PDE4B: variants seen among roughly 807,000 people sequenced by gnomAD.
PDE4B encodes phosphodiesterase 4B.
Under a neutral mutation model 82.2 loss-of-function variants are expected in PDE4B, and 20 were observed. The observed-to-expected ratio is 0.24, with a 90% CI of 0.17 to 0.35. PDE4B has a LOEUF of 0.35. PDE4B is among the 10% of genes least tolerant of loss of function. The probability of loss-of-function intolerance (pLI) is 1.00; values close to 1 mark genes in which losing one functional copy is unlikely to be tolerated. For missense variants in PDE4B, 655 were observed against 907.2 expected, an observed-to-expected ratio of 0.72 and a Z score of 3.57; for synonymous variants, 320 against 318.9, an observed-to-expected ratio of 1.00 and a Z score of -0.04.
At chr1:65,945,595 C>T (rs572641944) in intron 3 of PDE4B, among the ~76,000 whole-genome samples, 6 of 152,108 alleles carry the variant, frequency 3.9e-5, no homozygotes, top group African/African-American at 1.4e-4. Context: ...GGAGGTCCAA[C>T]ATTCATCAAC....
chr1:66,293,987 C>T (rs1036426410), intron 7 of PDE4B, among the ~76,000 whole-genome samples: 3 of 152,184 alleles, frequency 2.0e-5, no homozygotes, highest in African/African-American at 7.2e-5. Flanking sequence ...GGGCAAGTCC[C>T]CTGAAATCAG....
At chr1:66,274,204 A>T (rs1178761089) in intron 7 of PDE4B, among the ~76,000 whole-genome samples, 4 of 151,142 alleles carry the variant, frequency 2.6e-5, no homozygotes, top group Non-Finnish European at 5.9e-5. Flanking sequence ...CTTGTTGCCC[A>T]GGCTAGAGAG....
In PDE4B at chr1:66,328,751, A is replaced by G. The variant is rs566633761; in HGVS notation, c.635-3757A>G. Among the ~76,000 whole-genome samples, 9 of 152,174 alleles carry G rather than the reference A, an allele frequency of 5.9e-5. No individual in the cohort carries two copies. The South Asian group carries it at 1.7e-3, about 28-fold the overall frequency. ...TGACCATTGCTGCCCTCCATCCCCA[A>G]TCAGGGTATAGGCACAGGGAGGGTC... On this transcript the variant is annotated intron_variant, in intron 7 of 16. Transcript: ENST00000341517.
chr1:66,053,080 T>TG (rs1273262923), intron 3 of PDE4B, among the ~76,000 whole-genome samples: 3 of 152,232 alleles, frequency 2.0e-5, no homozygotes, highest in Non-Finnish European at 4.4e-5. Context: ...CTACAGTATA[T>TG]GGCCTGAATA....
intron 3 of PDE4B, among the ~76,000 whole-genome samples, chr1:66,146,070 C>T (rs549135540): frequency 6.6e-6 from 1 of 151,046 alleles, no homozygotes; most frequent in South Asian, 2.1e-4. Context: ...TTAACATCTG[C>T]TGTTAGATAT....
chr1:66,228,640 A>AC (rs1313734596), intron 3 of PDE4B, among the ~76,000 whole-genome samples: 1 of 151,694 alleles, frequency 6.6e-6, no homozygotes, highest in Non-Finnish European at 1.5e-5. Flanking sequence ...AAAAAAAAAA[A>AC]AAACATGCTA....
Position 66,165,331 on chromosome 1 carries a change from G to A in PDE4B, c.282-82129G>A, listed in dbSNP as rs373979389. ...AATTTGATAAGAGATGCAAATTGCA[G>A]TTCATTATTTTTTCTAAGACTATTA... On this transcript the variant is annotated intron_variant, in intron 3 of 16. Coordinates refer to ENST00000341517, the MANE Select transcript of PDE4B (RefSeq NM_002600.4). Among the ~76,000 whole-genome samples, 68 of 152,198 alleles carry A rather than the reference G, an allele frequency of 4.5e-4. No homozygotes were observed. The Middle Eastern group carries it at 0.01, about 23-fold the overall frequency.
At chr1:66,026,472 G>A (rs963369313) in intron 3 of PDE4B, among the ~76,000 whole-genome samples, 5 of 152,206 alleles carry the variant, frequency 3.3e-5, no homozygotes, top group African/African-American at 1.2e-4. Flanking sequence ...TTGGGTATAT[G>A]TCCCTGTTCT....
chr1:66,080,711 G>T (rs1213464504), intron 3 of PDE4B, among the ~76,000 whole-genome samples: 3 of 152,050 alleles, frequency 2.0e-5, no homozygotes, highest in Admixed American at 6.6e-5. Context: ...GAGTGTTGGA[G>T]ATTTTTATTT....
chr1:66,311,780 T>TATTCC (rs1658688760), intron 7 of PDE4B, among the ~76,000 whole-genome samples: 1 of 152,216 alleles, frequency 6.6e-6, no homozygotes, highest in Non-Finnish European at 1.5e-5. Flanking sequence ...CAGCAAAGTG[T>TATTCC]ATTCCCCATG....
chr1:66,043,511 C>T (rs1460989641), intron 3 of PDE4B, among the ~76,000 whole-genome samples: 1 of 151,748 alleles, frequency 6.6e-6, no homozygotes, highest in Non-Finnish European at 1.5e-5. Context: ...TTAAGGGGAA[C>T]ATAGAAACCA....
chr1:66,124,151 G>A (rs77173677), intron 3 of PDE4B, among the ~76,000 whole-genome samples: 1,769 of 152,300 alleles, frequency 0.012, 34 homozygotes, highest in African/African-American at 0.041. Flanking sequence ...ATGTGCTTAA[G>A]AACATCAGTT....
intron 1 of PDE4B, among the ~76,000 whole-genome samples, chr1:65,838,041 C>T (rs1187677881): frequency 6.6e-6 from 1 of 152,156 alleles, no homozygotes; most frequent in Non-Finnish European, 1.5e-5. Flanking sequence ...TATAAAACAT[C>T]ATTGCAAAAA....
intron 3 of PDE4B, among the ~76,000 whole-genome samples, chr1:66,038,073 A>G (rs1463015057): frequency 6.6e-6 from 1 of 152,106 alleles, no homozygotes; most frequent in Non-Finnish European, 1.5e-5. Context: ...ATAGGAGGGC[A>G]TTAAGGTGGT....
intron 3 of PDE4B, among the ~76,000 whole-genome samples, chr1:65,940,154 C>G (rs927827810): frequency 3.3e-5 from 5 of 152,006 alleles, no homozygotes; most frequent in Non-Finnish European, 5.9e-5. Flanking sequence ...GATTGATACA[C>G]AAATAATAAA....
chr1:66,220,623 C>T (rs1033067073), intron 3 of PDE4B, among the ~76,000 whole-genome samples: 37 of 152,238 alleles, frequency 2.4e-4, no homozygotes, highest in Non-Finnish European at 4.3e-4. Flanking sequence ...ATCTTTTTAT[C>T]TGTGATTTAT....
At chr1:65,924,949 T>C (rs957518604) in intron 3 of PDE4B, among the ~76,000 whole-genome samples, 3 of 152,202 alleles carry the variant, frequency 2.0e-5, no homozygotes, top group Admixed American at 1.3e-4. Context: ...CCCATCACTT[T>C]TATATATTCT....
chr1:66,232,297 A>G (rs1652013817), intron 3 of PDE4B, among the ~76,000 whole-genome samples: 1 of 152,256 alleles, frequency 6.6e-6, no homozygotes, highest in Non-Finnish European at 1.5e-5. Context: ...AATACACTGC[A>G]AAGCTCTGTC....
At chr1:65,911,297 T>C (rs1212833130) in intron 1 of PDE4B, among the ~76,000 whole-genome samples, 1 of 152,208 alleles carries the variant, frequency 6.6e-6, no homozygotes, top group Non-Finnish European at 1.5e-5. Flanking sequence ...CATCATATTG[T>C]TCTACATTTT....
Sources: allele counts gnomAD v4.1 joint callset (sites outside exome capture counted in the v4.1 genomes callset), GRCh38; gene constraint gnomAD v4.1.1; transcripts MANE v1.5; gene names NCBI Gene and HGNC (gene_info 2026-07-23, HGNC 2026-07-21).